HPSE2: variants seen among roughly 807,000 people sequenced by gnomAD.
HPSE2 encodes inactive heparanase-2.
In HPSE2, 38 loss-of-function variants were observed where a neutral mutation model predicts 60.5. The observed-to-expected ratio is 0.63, with a 90% CI of 0.48 to 0.82. The LOEUF (loss-of-function observed/expected upper bound fraction) is 0.82, where lower values mean the gene tolerates loss of function less well. Among genes scored for constraint, HPSE2 ranks in the 40% least tolerant of loss-of-function variants. HPSE2 has a pLI of 0.00. For missense variants in HPSE2, 713 were observed against 740.4 expected, an observed-to-expected ratio of 0.96 and a Z score of 0.43; for synonymous variants, 295 against 293.2, an observed-to-expected ratio of 1.01 and a Z score of -0.06.
At chr10:98,497,487 A>G (rs1342265306) in intron 9 of HPSE2, among the ~76,000 whole-genome samples, 1 of 152,166 alleles carries the variant, frequency 6.6e-6, no homozygotes, top group Non-Finnish European at 1.5e-5. Flanking sequence ...CTCAATTTTT[A>G]ATCAGTTTCA....
intron 9 of HPSE2, among the ~76,000 whole-genome samples, chr10:98,571,882 T>G (rs1944503692): frequency 6.6e-6 from 1 of 152,222 alleles, no homozygotes; most frequent in Non-Finnish European, 1.5e-5. Flanking sequence ...GATTTCTATC[T>G]ATCTATTCTG....
intron 8 of HPSE2, among the ~76,000 whole-genome samples, chr10:98,617,825 T>C (rs1381857625): frequency 6.6e-6 from 1 of 152,176 alleles, no homozygotes; most frequent in Non-Finnish European, 1.5e-5. Flanking sequence ...CCAAGAGTAT[T>C]TGTGGTCCAC....
chr10:99,010,809 T>C (rs1194696521), intron 3 of HPSE2, among the ~76,000 whole-genome samples: 3 of 152,310 alleles, frequency 2.0e-5, no homozygotes, highest in South Asian at 2.1e-4. Context: ...TGAGGATGAA[T>C]ATTAATTGCA....
intron 9 of HPSE2, among the ~76,000 whole-genome samples, chr10:98,519,798 G>A (rs1942727632): frequency 6.6e-6 from 1 of 152,210 alleles, no homozygotes; most frequent in South Asian, 2.1e-4. Context: ...GGGCTTAGGG[G>A]ATTCAGAAAA....
chr10:98,469,150 T>A (rs1319931005), intron 11 of HPSE2, among the ~76,000 whole-genome samples: 2 of 152,292 alleles, frequency 1.3e-5, no homozygotes, highest in East Asian at 3.9e-4. Context: ...GACTCTACCA[T>A]GTGCTTCTAA....
intron 3 of HPSE2, among the ~76,000 whole-genome samples, chr10:98,947,189 T>C (rs1467702175): frequency 6.6e-6 from 1 of 152,124 alleles, no homozygotes; most frequent in African/African-American, 2.4e-5. Flanking sequence ...AGGAAAATCA[T>C]AAAGCCATCA....
chr10:98,892,497 A>T (rs1338645976), intron 3 of HPSE2, among the ~76,000 whole-genome samples: 3 of 152,224 alleles, frequency 2.0e-5, no homozygotes, highest in Non-Finnish European at 4.4e-5. Flanking sequence ...CAAAAGAAAT[A>T]AATCCAGAAA....
chr10:98,656,663 A>T (rs1233551918), intron 6 of HPSE2, among the ~76,000 whole-genome samples: 1 of 152,142 alleles, frequency 6.6e-6, no homozygotes, highest in Non-Finnish European at 1.5e-5. Context: ...TCTTACTTAT[A>T]GACACTAGAT....
intron 3 of HPSE2, among the ~76,000 whole-genome samples, chr10:98,802,100 A>G (rs1023832167): frequency 1.4e-4 from 22 of 152,232 alleles, no homozygotes; most frequent in Admixed American, 1.3e-3. Flanking sequence ...AGTCACTTCA[A>G]TAAAGAATGC....
the HPSE2 span, among the ~76,000 whole-genome samples, chr10:99,258,822 AAAAC>A: frequency 6.6e-6 from 1 of 152,208 alleles, no homozygotes; most frequent in African/African-American, 2.4e-5. Context: ...ATCCATATGT[AAAAC>A]AAACAAAACT....
chr10:98,481,721 A>G (rs1402008091), intron 11 of HPSE2, among the ~76,000 whole-genome samples: 2 of 152,240 alleles, frequency 1.3e-5, no homozygotes, highest in Non-Finnish European at 2.9e-5. Flanking sequence ...ACAGTGAATA[A>G]TTATAGCACA....
intron 3 of HPSE2, among the ~76,000 whole-genome samples, chr10:99,033,766 G>T (rs1329845186): frequency 6.6e-6 from 1 of 151,236 alleles, no homozygotes; most frequent in Non-Finnish European, 1.5e-5. Flanking sequence ...CAGCCTGAGT[G>T]ACAGAGACTC....
At chr10:98,626,956 G>A (rs1261099327) in intron 7 of HPSE2, among the ~76,000 whole-genome samples, 1 of 152,024 alleles carries the variant, frequency 6.6e-6, no homozygotes, top group African/African-American at 2.4e-5. Context: ...TGTATTTTTA[G>A]TAGAGATGGG....
At chr10:99,175,916 A>G (rs1847509036) in intron 2 of HPSE2, among the ~76,000 whole-genome samples, 1 of 152,338 alleles carries the variant, frequency 6.6e-6, no homozygotes, top group South Asian at 2.1e-4. Flanking sequence ...TGAAGCTTCC[A>G]GAGGAAGAAA....
At chr10:98,608,579 A>T (rs1021607729) in intron 9 of HPSE2, among the ~76,000 whole-genome samples, 11 of 152,226 alleles carry the variant, frequency 7.2e-5, no homozygotes, top group African/African-American at 2.7e-4. Context: ...GAAGCAAGTC[A>T]TGTTCCCTGG....
intron 3 of HPSE2, among the ~76,000 whole-genome samples, chr10:98,919,130 T>C (rs1954209411): frequency 6.6e-6 from 1 of 152,186 alleles, no homozygotes; most frequent in South Asian, 2.1e-4. Context: ...TGACTAGAAA[T>C]CAAGAAAAAC....
At chr10:99,249,888 A>G in the HPSE2 span, among the ~76,000 whole-genome samples, 1 of 152,182 alleles carries the variant, frequency 6.6e-6, no homozygotes, top group Non-Finnish European at 1.5e-5. Context: ...TCATGCCTGT[A>G]ATCCTAGCAT....
intron 3 of HPSE2, among the ~76,000 whole-genome samples, chr10:98,894,814 A>G (rs1000942360): frequency 6.6e-6 from 1 of 152,090 alleles, no homozygotes; most frequent in Non-Finnish European, 1.5e-5. Flanking sequence ...AGAAAAAGAC[A>G]TCTCCACCAA....
Position 99,117,479 on chromosome 10 carries a change from CAAAT to C in HPSE2, c.610+26755_610+26758del, listed in dbSNP as rs367743129. On this transcript the variant is annotated intron_variant, in intron 3 of 11. Coordinates refer to ENST00000370552, the MANE Select transcript of HPSE2 (RefSeq NM_021828.5). ...TAAAATAGATAGAACTCTAGCTAGACAAATAAAGAAGAGAGAAGACCCAAATAAA... is the reference window on the plus strand; with the variant it reads ...TAAAATAGATAGAACTCTAGCTAGACAAAGAAGAGAGAAGACCCAAATAAA... Among the ~76,000 whole-genome samples the C allele has an allele frequency of 4.6e-5, 3 of 65,280 alleles. No homozygotes were observed. The Middle Eastern group carries it at 0.027, about 593-fold the overall frequency. The allele number at this position is 65,280 out of a possible 152,430, so 42.8% of individuals were successfully genotyped here.
Sources: allele counts gnomAD v4.1 joint callset (sites outside exome capture counted in the v4.1 genomes callset), GRCh38; gene constraint gnomAD v4.1.1; transcripts MANE v1.5; gene names NCBI Gene and HGNC (gene_info 2026-07-23, HGNC 2026-07-21).